Variants in MAF observed in about 807,000 individuals in gnomAD.
MAF encodes transcription factor Maf.
In MAF, 10 loss-of-function variants were observed where a neutral mutation model predicts 22.0. The observed-to-expected ratio is 0.45, with a 90% CI of 0.28 to 0.77. The LOEUF (loss-of-function observed/expected upper bound fraction) is 0.77, where lower values mean the gene tolerates loss of function less well. MAF is among the 30% of genes least tolerant of loss of function. The pLI is 0.12. For synonymous variants in MAF, 337 were observed against 255.8 expected, an observed-to-expected ratio of 1.32 and a Z score of -3.03; for missense variants, 544 against 548.4, an observed-to-expected ratio of 0.99 and a Z score of 0.08.
chr16:79,427,253 G>A, the MAF span, among the ~76,000 whole-genome samples: 1 of 152,198 alleles, frequency 6.6e-6, no homozygotes, highest in Admixed American at 6.5e-5. Context: ...GCAAGTCAGA[G>A]CCCATGTTTG....
chr16:79,266,162 C>A, the MAF span, among the ~76,000 whole-genome samples: 2 of 152,172 alleles, frequency 1.3e-5, no homozygotes, highest in Non-Finnish European at 2.9e-5. Flanking sequence ...GTGTGAGCCA[C>A]CACAGCCGGC....
chr16:79,596,855 A>T (rs1461833809), intron 1 of MAF: 4 of 1,050,096 alleles, frequency 3.8e-6, no homozygotes, highest in Non-Finnish European at 4.6e-6. Context: ...ATAACTGCAT[A>T]AATTTTATTA....
chr16:79,476,987 T>A, the MAF span, among the ~76,000 whole-genome samples: 3 of 152,204 alleles, frequency 2.0e-5, no homozygotes, highest in South Asian at 6.2e-4. Flanking sequence ...GAAGGTCAAG[T>A]GCCATCCACA....
At chr16:79,598,594 G>GTGTA in intron 1 of MAF, 191 bp downstream of exon 1, 1 of 1,485,284 alleles carries the variant, frequency 6.7e-7, no homozygotes, top group Non-Finnish European at 8.9e-7. Context: ...GTGTGTGTGT[G>GTGTA]TGTGTGTGTG....
chr16:79,599,676 G>T lies in MAF; in HGVS notation c.227C>A (p.Pro76His). 1 of 1,612,436 alleles carries T rather than the reference G, an allele frequency of 6.2e-7. No individual in the cohort carries two copies. The highest frequency in any genetic ancestry group is 8.5e-7 in the Non-Finnish European group (1 of 1,179,712). Residue 76 changes from proline (P) to histidine (H), a missense_variant, in exon 1 of 2, where the codon CCC becomes CAC. This residue lies in a region of MAF where 342 missense variants were observed against 315.5 expected (regional missense o/e 1.08). Transcript: ENST00000326043. ...SVPPSPSFSA[P>H]SPGSGSEQKA... is the part of the protein sequence containing the mutation. The stretch of plus-strand genomic sequence containing the variant: ...CTGCTCGCTGCCCGAGCCCGGGCTG[G>T]GCGCCGAGAAGCTGGGGGAAGGGGG...
At chr16:79,558,385 T>G in the MAF span, among the ~76,000 whole-genome samples, 1 of 152,232 alleles carries the variant, frequency 6.6e-6, no homozygotes, top group Non-Finnish European at 1.5e-5. Flanking sequence ...ATATCATGGC[T>G]TAAAGTCGCA....
the MAF span, among the ~76,000 whole-genome samples, chr16:79,381,836 A>T: frequency 2.6e-5 from 4 of 152,210 alleles, no homozygotes; most frequent in African/African-American, 7.2e-5. Flanking sequence ...CAGAGTGGAT[A>T]TGCTGTGATT....
At chr16:79,344,307 G>C in the MAF span, among the ~76,000 whole-genome samples, 3 of 152,226 alleles carry the variant, frequency 2.0e-5, no homozygotes, top group South Asian at 6.2e-4. Context: ...GACTAAGGGC[G>C]ATTAGACCCA....
chr16:79,399,798 C>G, the MAF span, among the ~76,000 whole-genome samples: 19 of 152,246 alleles, frequency 1.2e-4, no homozygotes, highest in East Asian at 3.7e-3. Flanking sequence ...AAGATTCGTC[C>G]CAGCTTGCCC....
chr16:79,369,742 T>A, the MAF span, among the ~76,000 whole-genome samples: 1 of 152,230 alleles, frequency 6.6e-6, no homozygotes, highest in South Asian at 2.1e-4. Context: ...TCTCAGCCAC[T>A]GCTAATGCTT....
At chr16:79,322,490 T>C in the MAF span, among the ~76,000 whole-genome samples, 1 of 152,148 alleles carries the variant, frequency 6.6e-6, no homozygotes, top group Non-Finnish European at 1.5e-5. Context: ...CAGGAATTCT[T>C]TGCCACAGAT....
At chr16:79,565,217 A>G in the MAF span, among the ~76,000 whole-genome samples, 307 of 152,310 alleles carry the variant, frequency 2.0e-3, 4 homozygotes, top group African/African-American at 7.1e-3. Flanking sequence ...ATGGGAGTTG[A>G]ACCCGGCCCA....
At chr16:79,322,009 A>G in the MAF span, among the ~76,000 whole-genome samples, 8,318 of 152,214 alleles carry the variant, frequency 0.055, 287 homozygotes, top group Middle Eastern at 0.1. Flanking sequence ...AGGCAGGCAG[A>G]TCACCTGAGG....
the MAF span, among the ~76,000 whole-genome samples, chr16:79,289,867 T>TTTTTTTTTC: frequency 7.5e-4 from 89 of 118,534 alleles, 3 homozygotes; most frequent in African/African-American, 2.7e-3. Context: ...TTTTTTTTTT[T>TTTTTTTTTC]TGTGAGACGG....
At chr16:79,252,072 C>A in the MAF span, among the ~76,000 whole-genome samples, 1 of 152,222 alleles carries the variant, frequency 6.6e-6, no homozygotes, top group Non-Finnish European at 1.5e-5. Context: ...CTGCAGAAAC[C>A]TAACAATATT....
chr16:79,378,784 G>A, the MAF span, among the ~76,000 whole-genome samples: 1 of 152,034 alleles, frequency 6.6e-6, no homozygotes, highest in African/African-American at 2.4e-5. Flanking sequence ...TTTTCTTCTT[G>A]TTGGGCATTT....
At chr16:79,453,630 T>C in the MAF span, among the ~76,000 whole-genome samples, 1 of 152,194 alleles carries the variant, frequency 6.6e-6, no homozygotes, top group Non-Finnish European at 1.5e-5. Flanking sequence ...AAATAATCAA[T>C]TTGCTATATT....
the MAF span, among the ~76,000 whole-genome samples, chr16:79,565,947 G>A: frequency 2.0e-5 from 3 of 152,154 alleles, no homozygotes; most frequent in African/African-American, 7.2e-5. Flanking sequence ...GAAACTGACA[G>A]GACAAGGATT....
At chr16:79,351,384 C>G in the MAF span, among the ~76,000 whole-genome samples, 3 of 151,552 alleles carry the variant, frequency 2.0e-5, no homozygotes, top group African/African-American at 7.3e-5. Context: ...CGTGGTCCTC[C>G]CACCTCCTTG....
Sources: allele counts gnomAD v4.1 joint callset (sites outside exome capture counted in the v4.1 genomes callset), GRCh38; gene constraint gnomAD v4.1.1; regional missense constraint gnomAD v4.1.1; transcripts MANE v1.5; gene names NCBI Gene and HGNC (gene_info 2026-07-23, HGNC 2026-07-21).